The following CCDC102B variants were observed in gnomAD, a reference collection of about 807,000 sequenced individuals.
The protein encoded by CCDC102B is coiled-coil domain containing 102B, also known as coiled-coil domain-containing protein 102B.
In CCDC102B, 75 loss-of-function variants were observed where a neutral mutation model predicts 57.4. That is an observed-to-expected ratio of 1.31 (90% confidence interval 1.08 to 1.58). The LOEUF (loss-of-function observed/expected upper bound fraction) is 1.58. Ranked by LOEUF, CCDC102B falls within the 40% of genes most tolerant of loss-of-function variation. The pLI, the probability that CCDC102B is intolerant of heterozygous loss-of-function variation, is 0.00. For missense variants in CCDC102B, 636 were observed against 582.6 expected, an observed-to-expected ratio of 1.09 and a Z score of -0.94; for synonymous variants, 206 against 201.9, an observed-to-expected ratio of 1.02 and a Z score of -0.17.
chr18:68,951,822 A>G (rs1033110851), intron 6 of CCDC102B, among the ~76,000 whole-genome samples: 2 of 151,906 alleles, frequency 1.3e-5, no homozygotes, highest in Non-Finnish European at 2.9e-5. Flanking sequence ...AAAAAAGACA[A>G]TAGAAAAACT....
intron 1 of CCDC102B, among the ~76,000 whole-genome samples, chr18:68,834,714 G>A (rs953030092): frequency 1.3e-5 from 2 of 151,480 alleles, no homozygotes; most frequent in Non-Finnish European, 3.0e-5. Context: ...TTGTTAAAAT[G>A]TTTTTTCTCT....
chr18:68,824,855 C>A (rs2036842430), intron 1 of CCDC102B, among the ~76,000 whole-genome samples: 1 of 152,126 alleles, frequency 6.6e-6, no homozygotes, highest in Non-Finnish European at 1.5e-5. Flanking sequence ...TGAAAAATTT[C>A]TTTGTCTATC....
rs1347419017 is a variant in CCDC102B at position 68,969,216 on chromosome 18, G to A, written c.1264-41718G>A. Among the ~76,000 whole-genome samples, 5 of 152,222 alleles carry A rather than the reference G, an allele frequency of 3.3e-5. No individual in the cohort carries two copies. In the East Asian group the frequency reaches 9.7e-4, roughly 30 times the overall value. The stretch of plus-strand genomic sequence containing the variant: ...CCATCCAGGTTCCTGACTGAATCCA[G>A]ACACCTCATCCTCATTTCTTAGAAC... On this transcript the variant is annotated intron_variant, in intron 6 of 7. Coordinates refer to ENST00000360242, the MANE Select transcript of CCDC102B (RefSeq NM_024781.3).
At chr18:68,833,757 G>A (rs1317448123) in intron 1 of CCDC102B, among the ~76,000 whole-genome samples, 2 of 151,990 alleles carry the variant, frequency 1.3e-5, no homozygotes, top group African/African-American at 2.4e-5. Context: ...ATATTTTTTA[G>A]TGATATTATA....
intron 2 of CCDC102B, among the ~76,000 whole-genome samples, chr18:68,763,192 A>C (rs997447643): frequency 4.6e-5 from 7 of 152,022 alleles, no homozygotes; most frequent in Non-Finnish European, 1.0e-4. Flanking sequence ...GTAAACATGG[A>C]GGATGCCTGT....
chr18:68,718,622 GAATA>G (rs2032156380), intron 2 of CCDC102B, among the ~76,000 whole-genome samples: 1 of 152,078 alleles, frequency 6.6e-6, no homozygotes, highest in African/African-American at 2.4e-5. Context: ...TTAAAAATAA[GAATA>G]AATAAAGCTA....
chr18:68,843,611 A>G (rs1195287416), intron 3 of CCDC102B, among the ~76,000 whole-genome samples: 1 of 152,032 alleles, frequency 6.6e-6, no homozygotes, highest in Non-Finnish European at 1.5e-5. Flanking sequence ...TACTTTAGCA[A>G]TATTATTTTT....
At chr18:68,928,503 AC>A (rs2041554175) in intron 6 of CCDC102B, among the ~76,000 whole-genome samples, 1 of 151,768 alleles carries the variant, frequency 6.6e-6, no homozygotes, top group Admixed American at 6.6e-5. Context: ...GGACGTGGCT[AC>A]CTCTGTCAAG....
At chr18:68,720,362 A>G (rs187756935) in intron 2 of CCDC102B, among the ~76,000 whole-genome samples, 1 of 152,302 alleles carries the variant, frequency 6.6e-6, no homozygotes, top group African/African-American at 2.4e-5. Flanking sequence ...TTAATGTGAG[A>G]TTGATTTGCA....
intron 2 of CCDC102B, among the ~76,000 whole-genome samples, chr18:68,716,792 G>T (rs2032028711): frequency 1.3e-5 from 2 of 152,104 alleles, no homozygotes; most frequent in South Asian, 4.2e-4. Context: ...AAATTAGCCA[G>T]ATGTGGCCTG....
rs375430904 is a variant in CCDC102B, at chr18:69,000,558, T to G, written c.1264-10376T>G. Among the ~76,000 whole-genome samples, 11 of 152,308 alleles carry G rather than the reference T, an allele frequency of 7.2e-5. No homozygotes were observed. The East Asian group carries it at 7.7e-4, about 11-fold the overall frequency. On this transcript the variant is annotated intron_variant, in intron 6 of 7. Transcript: ENST00000360242. Reference sequence around the variant, plus strand: ...TGCACACAGACACACATACAGAGTATGACTCATGGCTGTTGAGCAAACTAG... The same window carrying G: ...TGCACACAGACACACATACAGAGTAGGACTCATGGCTGTTGAGCAAACTAG...
intron 2 of CCDC102B, among the ~76,000 whole-genome samples, chr18:68,788,028 G>A (rs1283677927): frequency 6.6e-6 from 1 of 150,580 alleles, no homozygotes; most frequent in Non-Finnish European, 1.5e-5. Context: ...GGTATGTTGT[G>A]TCTTTGTTCT....
chr18:68,778,374 T>G (rs1423970696), intron 2 of CCDC102B, among the ~76,000 whole-genome samples: 6 of 152,178 alleles, frequency 3.9e-5, no homozygotes, highest in African/African-American at 1.4e-4. Flanking sequence ...ATAAGTTTGA[T>G]TGCCAGAAAT....
chr18:68,879,343 G>A (rs905239266), intron 5 of CCDC102B, among the ~76,000 whole-genome samples: 3 of 152,138 alleles, frequency 2.0e-5, no homozygotes, highest in African/African-American at 7.2e-5. Flanking sequence ...AAGAACGAAA[G>A]AACAAAGCTT....
At chr18:68,955,963 G>A (rs1259474832) in intron 6 of CCDC102B, among the ~76,000 whole-genome samples, 1 of 151,566 alleles carries the variant, frequency 6.6e-6, no homozygotes, top group African/African-American at 2.4e-5. Flanking sequence ...ATAAATTATT[G>A]TTGACTGCAG....
chr18:69,009,408 T>C (rs566866058), intron 6 of CCDC102B, among the ~76,000 whole-genome samples: 4 of 152,282 alleles, frequency 2.6e-5, no homozygotes, highest in Non-Finnish European at 5.9e-5. Context: ...TAACCCCTGG[T>C]CACCACTACA....
chr18:68,928,235 G>A (rs1286743690), intron 6 of CCDC102B, among the ~76,000 whole-genome samples: 2 of 151,912 alleles, frequency 1.3e-5, no homozygotes, highest in Non-Finnish European at 2.9e-5. Flanking sequence ...TACGGATCAG[G>A]ACATTGGAGA....
chr18:69,056,636 A>AATAGATAGATAGATGG (rs1555678888), downstream of CCDC102B, among the ~76,000 whole-genome samples: 37,900 of 121,706 alleles, frequency 0.31, 5,982 homozygotes, highest in South Asian at 0.42. Context: ...ATAGATAGAT[A>AATAGATAGATAGATGG]ATAGATAGAT....
intron 1 of CCDC102B, chr18:68,715,424 G>T: frequency 4.4e-6 from 1 of 226,180 alleles, no homozygotes; most frequent in Non-Finnish European, 8.1e-6. Context: ...TTACTCCCGT[G>T]TGGTGAGTGC....
Sources: allele counts gnomAD v4.1 joint callset (sites outside exome capture counted in the v4.1 genomes callset), GRCh38; gene constraint gnomAD v4.1.1; transcripts MANE v1.5; gene names NCBI Gene and HGNC (gene_info 2026-07-23, HGNC 2026-07-21).